The following CLVS1 variants were observed in gnomAD, a reference collection of about 807,000 sequenced individuals.
CLVS1 encodes clavesin-1.
In CLVS1, 10 loss-of-function variants were observed where a neutral mutation model predicts 33.1. The ratio of observed to expected loss-of-function variants is 0.30; its 90% CI spans 0.19 to 0.51. CLVS1 has a LOEUF of 0.51. CLVS1 is among the 20% of genes least tolerant of loss of function. CLVS1 has a pLI of 0.97. For missense variants in CLVS1, 343 were observed against 433.4 expected (o/e 0.79, Z 1.85); for synonymous variants, 163 against 166.1 (o/e 0.98, Z 0.14).
intron 3 of CLVS1, among the ~76,000 whole-genome samples, chr8:61,443,707 T>G (rs73685038): frequency 6.6e-6 from 1 of 152,198 alleles, no homozygotes; most frequent in Non-Finnish European, 1.5e-5. Context: ...TTCAAAATTA[T>G]TTTAACTATT....
intron 3 of CLVS1, among the ~76,000 whole-genome samples, chr8:61,403,246 C>G (rs1814838587): frequency 6.6e-6 from 1 of 152,124 alleles, no homozygotes; most frequent in Non-Finnish European, 1.5e-5. Flanking sequence ...AGCTCTAGTT[C>G]TAAAGTAAAG....
chr8:61,095,825 C>A (rs1563400947), intron 1 of CLVS1, among the ~76,000 whole-genome samples: 3 of 152,022 alleles, frequency 2.0e-5, no homozygotes, highest in Non-Finnish European at 1.5e-5. Flanking sequence ...TTATGTAGTT[C>A]ATGAAAAAGC....
chr8:61,099,430 G>A (rs1453498973), intron 1 of CLVS1, among the ~76,000 whole-genome samples: 3 of 152,032 alleles, frequency 2.0e-5, no homozygotes, highest in East Asian at 1.9e-4. Flanking sequence ...AATATTTTTC[G>A]AGTATTTATT....
chr8:61,336,659 A>T (rs1156645114), intron 2 of CLVS1, among the ~76,000 whole-genome samples: 1 of 152,208 alleles, frequency 6.6e-6, no homozygotes, highest in African/African-American at 2.4e-5. Context: ...CTAGTCAACA[A>T]CAACAATAAC....
At chr8:61,442,749 G>A (rs559029720) in intron 3 of CLVS1, among the ~76,000 whole-genome samples, 147 of 152,144 alleles carry the variant, frequency 9.7e-4, no homozygotes, top group African/African-American at 2.8e-3. Context: ...ACAGGCACAC[G>A]CCACCACCCC....
At chr8:61,252,583 T>C (rs1808974012) in intron 2 of CLVS1, among the ~76,000 whole-genome samples, 1 of 152,172 alleles carries the variant, frequency 6.6e-6, no homozygotes, top group African/African-American at 2.4e-5. Context: ...AGAACTTGCT[T>C]TATGAATCTG....
chr8:61,281,722 C>T (rs1361431672), intron 2 of CLVS1, among the ~76,000 whole-genome samples: 1 of 152,162 alleles, frequency 6.6e-6, no homozygotes, highest in South Asian at 2.1e-4. Flanking sequence ...TACCTCATCC[C>T]ACTAAATATC....
intron 2 of CLVS1, among the ~76,000 whole-genome samples, chr8:61,154,507 A>T (rs777366681): frequency 2.6e-5 from 4 of 152,226 alleles, no homozygotes; most frequent in Non-Finnish European, 5.9e-5. Flanking sequence ...GGTTCGATAT[A>T]ACAAAAAAGA....
chr8:61,432,170 T>G (rs182352914), intron 3 of CLVS1, among the ~76,000 whole-genome samples: 2 of 152,222 alleles, frequency 1.3e-5, no homozygotes, highest in African/African-American at 4.8e-5. Flanking sequence ...CAAATTCGAA[T>G]GAGGAAGTGT....
the CLVS1 span, among the ~76,000 whole-genome samples, chr8:61,046,725 C>T: frequency 6.6e-6 from 1 of 151,862 alleles, no homozygotes; most frequent in African/African-American, 2.4e-5. Context: ...AGTTGGATTC[C>T]TAGGTATTTT....
At chr8:61,343,182 A>G (rs1812086118) in intron 2 of CLVS1, among the ~76,000 whole-genome samples, 1 of 152,180 alleles carries the variant, frequency 6.6e-6, no homozygotes, top group African/African-American at 2.4e-5. Context: ...CTTTCTTCCA[A>G]TTGCCCAGCC....
chr8:61,381,359 A>G (rs1441169057), intron 3 of CLVS1, among the ~76,000 whole-genome samples: 1 of 152,194 alleles, frequency 6.6e-6, no homozygotes, highest in African/African-American at 2.4e-5. Context: ...GGCTTAGCCA[A>G]CTGCAAATCA....
chr8:61,247,204 GCATTTAGGTTGATTC>G (rs1418810886), intron 2 of CLVS1, among the ~76,000 whole-genome samples: 1 of 152,172 alleles, frequency 6.6e-6, no homozygotes, highest in East Asian at 1.9e-4. Flanking sequence ...TCATTGATGA[GCATTTAGGTTGATTC>G]CATGTCTTTG....
chr8:61,335,145 C>A (rs1318124289), intron 2 of CLVS1, among the ~76,000 whole-genome samples: 1 of 152,148 alleles, frequency 6.6e-6, no homozygotes, highest in East Asian at 1.9e-4. Flanking sequence ...GCAGAGTCTG[C>A]AAAATATTGG....
the CLVS1 span, among the ~76,000 whole-genome samples, chr8:61,014,698 C>T: frequency 1.3e-5 from 2 of 152,186 alleles, no homozygotes; most frequent in African/African-American, 2.4e-5. Context: ...AGATTTAAGG[C>T]TTATGAAGAC....
At chr8:61,399,863 C>T (rs936350644) in intron 3 of CLVS1, among the ~76,000 whole-genome samples, 3 of 152,238 alleles carry the variant, frequency 2.0e-5, no homozygotes, top group Middle Eastern at 3.4e-3. Flanking sequence ...AGTCATATTT[C>T]TGGGATGTCT....
At chr8:61,304,123 C>G (rs1810530278) in intron 2 of CLVS1, among the ~76,000 whole-genome samples, 1 of 152,220 alleles carries the variant, frequency 6.6e-6, no homozygotes, top group Non-Finnish European at 1.5e-5. Context: ...TGACTTCATT[C>G]TCACCAGGGG....
chr8:61,355,228 T>C (rs1343995840), intron 2 of CLVS1, among the ~76,000 whole-genome samples: 1 of 151,982 alleles, frequency 6.6e-6, no homozygotes, highest in African/African-American at 2.4e-5. Context: ...CTTCCAGAAA[T>C]ATTTAGCCTG....
intron 5 of CLVS1, among the ~76,000 whole-genome samples, chr8:61,485,204 A>G (rs1467735975): frequency 6.6e-5 from 10 of 152,250 alleles, no homozygotes; most frequent in South Asian, 2.1e-4. Flanking sequence ...ATCTGACAAA[A>G]GGCTAATATC....
Sources: gnomAD v4.1 joint callset for allele counts (sites outside exome capture counted in the v4.1 genomes callset) on GRCh38, gnomAD v4.1.1 for gene constraint, MANE v1.5 for transcripts, NCBI Gene and HGNC (gene_info 2026-07-23, HGNC 2026-07-21) for gene names.